The following GREB1 variants were observed in gnomAD, a reference collection of about 807,000 sequenced individuals.
GREB1 encodes protein GREB1.
Under a neutral mutation model 200.7 loss-of-function variants are expected in GREB1, and 106 were observed. The ratio of observed to expected loss-of-function variants is 0.53; its 90% CI spans 0.45 to 0.62. The LOEUF is 0.62. GREB1 is among the 20% of genes least tolerant of loss of function. GREB1 has a pLI of 0.00. For synonymous variants in GREB1, 1,132 were observed against 1,092.4 expected, an observed-to-expected ratio of 1.04 and a Z score of -0.72; for missense variants, 2,243 against 2,556.8, an observed-to-expected ratio of 0.88 and a Z score of 2.65.
chr2:11,528,557 A>G (rs1673962181), intron 1 of GREB1, among the ~76,000 whole-genome samples: 1 of 152,024 alleles, frequency 6.6e-6, no homozygotes, highest in South Asian at 2.1e-4. Flanking sequence ...GTGGCTATTC[A>G]CAATCACAAT....
At chr2:11,518,341 T>C (rs1018225075) in intron 1 of GREB1, among the ~76,000 whole-genome samples, 1 of 152,194 alleles carries the variant, frequency 6.6e-6, no homozygotes, top group Admixed American at 6.5e-5. Flanking sequence ...TATTTTGGGC[T>C]GTTTGGGTAA....
At chr2:11,625,420 C>T (rs2148394733) in intron 24 of GREB1, 108 bp downstream of exon 24, 2 of 1,055,270 alleles carry the variant, frequency 1.9e-6, no homozygotes, top group East Asian at 2.4e-5. Flanking sequence ...ATGAATTAAC[C>T]TGCCATACCT....
intron 1 of GREB1, among the ~76,000 whole-genome samples, chr2:11,508,187 C>T (rs1213862064): frequency 6.6e-6 from 1 of 152,198 alleles, no homozygotes; most frequent in Non-Finnish European, 1.5e-5. Flanking sequence ...ACTGTGGCCC[C>T]AGTCCCATGC....
Position 11,600,836 on chromosome 2 carries a change from G to A in GREB1, c.2370G>A (p.Pro790=), listed in dbSNP as rs372172638. 144 of 1,614,104 alleles carry A rather than the reference G, an allele frequency of 8.9e-5. No homozygotes were observed. Among genetic ancestry groups the A allele is most frequent in the East Asian group, 1.1e-4 (5 of 44,882 alleles). ...TVHNLYSQSD[P]SVGLVDRLLN... Reference sequence around the variant, plus strand: ...ATAACCTCTATTCTCAAAGTGACCCGTCGGTGGGATTGGTGGACCGATTGC... The same window carrying A: ...ATAACCTCTATTCTCAAAGTGACCCATCGGTGGGATTGGTGGACCGATTGC... The change falls in exon 16 of 33, where the codon CCG becomes CCA. Residue 790 remains proline (P), a synonymous_variant. Coordinates refer to ENST00000381486, the MANE Select transcript of GREB1 (RefSeq NM_014668.4).
intron 1 of GREB1, among the ~76,000 whole-genome samples, chr2:11,494,750 G>C (rs561109784): frequency 6.6e-6 from 1 of 152,308 alleles, no homozygotes; most frequent in South Asian, 2.1e-4. Flanking sequence ...ATGTTCTCTA[G>C]ATCTGTTTCT....
At chr2:11,620,153 T>A (rs1477867266) in intron 22 of GREB1, among the ~76,000 whole-genome samples, 4 of 152,064 alleles carry the variant, frequency 2.6e-5, no homozygotes, top group African/African-American at 9.7e-5. Flanking sequence ...ATTTTTGTAT[T>A]TTTAGTAGAG....
chr2:11,600,028 C>T (rs1000455111), intron 15 of GREB1, among the ~76,000 whole-genome samples: 1 of 152,114 alleles, frequency 6.6e-6, no homozygotes, highest in Admixed American at 6.6e-5. Context: ...TGGGCCAGGT[C>T]GTGGAGAAAG....
rs745666011 is a variant in GREB1, at chr2:11,620,934, C to A, written c.4074C>A (p.Phe1358Leu). Residue 1358 changes from phenylalanine to leucine, a missense_variant, in exon 23 of 33, where the codon TTC becomes TTA. This residue lies in a region of GREB1 where 587 missense variants were observed against 553.1 expected (regional missense o/e 1.06). Transcript: ENST00000381486. ...QIGKTGAYLQ[F>L]LSVLSRMLVR... Reference sequence around the variant, plus strand: ...GGAAGACAGGTGCCTACCTGCAGTTCCTCAGTGTCCTGTCCAGGATGCTTG... The same window carrying A: ...GGAAGACAGGTGCCTACCTGCAGTTACTCAGTGTCCTGTCCAGGATGCTTG... 21 of 1,612,156 alleles carry A rather than the reference C, an allele frequency of 1.3e-5. No individual in the cohort carries two copies. Among genetic ancestry groups the A allele is most frequent in the Non-Finnish European group, 1.5e-5 (18 of 1,178,278 alleles).
chr2:11,588,909 C>T lies in GREB1; in HGVS notation c.1323C>T (p.Thr441=), dbSNP rs145106657. ...CCGAGGAGATGCAGCTCCTGCTTAC[C>T]GTCTACTACCTGGTCCAGCTGGGTG... ...PISEEMQLLL[T]VYYLVQLAAD... is the part of the protein sequence containing the mutation. Residue 441 remains threonine (T), a synonymous_variant, in exon 10 of 33, where the codon ACC becomes ACT. Transcript: ENST00000381486. The T allele has an allele frequency of 3.7e-5, 60 of 1,614,040 alleles. No individual in the cohort carries two copies. The highest frequency in any genetic ancestry group is 4.7e-5 in the Non-Finnish European group (55 of 1,179,984).
At chr2:11,564,321 G>A (rs142131427) in intron 3 of GREB1, among the ~76,000 whole-genome samples, 1,892 of 150,048 alleles carry the variant, frequency 0.013, 20 homozygotes, top group Middle Eastern at 0.031. Flanking sequence ...CAATATGGTG[G>A]CTCTTAGTGA....
chr2:11,537,696 TATC>T (rs993657984), intron 1 of GREB1, among the ~76,000 whole-genome samples: 40 of 147,414 alleles, frequency 2.7e-4, no homozygotes, highest in Non-Finnish European at 4.2e-4. Context: ...ATTACATAAA[TATC>T]ATATATTAGA....
At chr2:11,559,653 C>T (rs995311320) in intron 2 of GREB1, among the ~76,000 whole-genome samples, 1 of 152,164 alleles carries the variant, frequency 6.6e-6, no homozygotes, top group Non-Finnish European at 1.5e-5. Context: ...GTGGTGCTGG[C>T]TTAGAGACCA....
At chr2:11,550,610 G>C (rs901666410) in intron 1 of GREB1, among the ~76,000 whole-genome samples, 1 of 152,196 alleles carries the variant, frequency 6.6e-6, no homozygotes, top group East Asian at 1.9e-4. Context: ...GAATTCCCAA[G>C]CCTTCTCTGG....
intron 1 of GREB1, among the ~76,000 whole-genome samples, chr2:11,512,447 T>G (rs1673377739): frequency 6.6e-6 from 1 of 152,260 alleles, no homozygotes. Context: ...GTGTATTTAG[T>G]AATGAATGCA....
rs752664183 is a variant in GREB1 at position 11,640,344 on chromosome 2, G to A, written c.5740G>A (p.Val1914Ile). The A allele has an allele frequency of 2.1e-5, 34 of 1,614,140 alleles. No individual in the cohort carries two copies. Among genetic ancestry groups the A allele is most frequent in the Non-Finnish European group, 2.7e-5 (32 of 1,180,022 alleles). ...CCGGAGCTCACTGCGCCAGACGGTC[G>A]TCCGCCTGGAGCTCGAGGACGAGTG... The part of the protein sequence containing the change: ...QDRSSLRQTV[V>I]RLELEDEWQF... The change falls in exon 33 of 33, where the codon GTC becomes ATC. Residue 1914 changes from valine to isoleucine, a missense_variant. By Grantham distance (29) the Val-to-Ile change is conservative. Transcript: ENST00000381486. This position sits in a 1 kb window ranked among gnomAD's most constrained non-coding sequence, Gnocchi z 4.6.
intron 17 of GREB1, among the ~76,000 whole-genome samples, chr2:11,603,574 G>A (rs900729199): frequency 3.9e-5 from 6 of 152,218 alleles, no homozygotes; most frequent in South Asian, 4.1e-4. Flanking sequence ...CCAGTAGCTC[G>A]TGGGACTAGA....
Position 11,620,964 on chromosome 2 carries a change from G to C in GREB1, c.4104G>C (p.Arg1368=). The change falls in exon 23 of 33, where the codon CGG becomes CGC. Residue 1368 remains arginine, a synonymous_variant. Transcript: ENST00000381486. ...GTGTCCTGTCCAGGATGCTTGTTCG[G>C]CTCACAGAAGTGGATGTCTATGACG... is the stretch of plus-strand genomic sequence containing the variant. ...FLSVLSRMLV[R]LTEVDVYDEE... 4.3e-6 allele frequency: 7 copies of C among 1,612,454 alleles called. No individual in the cohort carries two copies. Among genetic ancestry groups the C allele is most frequent in the Non-Finnish European group, 5.9e-6 (7 of 1,178,480 alleles).
chr2:11,562,303 G>A (rs1251507213), intron 2 of GREB1, among the ~76,000 whole-genome samples, 160 bp from the exon 3 acceptor site: 2 of 152,346 alleles, frequency 1.3e-5, no homozygotes, highest in East Asian at 1.9e-4. Context: ...CTAGCTAGAC[G>A]TGCTGAGTGC....
intron 23 of GREB1, among the ~76,000 whole-genome samples, chr2:11,623,044 T>A (rs1684136099): frequency 6.6e-6 from 1 of 152,228 alleles, no homozygotes; most frequent in South Asian, 2.1e-4. Context: ...ACTCCAAGCA[T>A]CATCCTTTGT....
Sources: gnomAD v4.1 joint callset for allele counts (sites outside exome capture counted in the v4.1 genomes callset) on GRCh38, gnomAD v4.1.1 for gene constraint, gnomAD v4.1.1 regional missense constraint, Gnocchi (gnomAD v3.1) non-coding constraint, MANE v1.5 for transcripts, NCBI Gene and HGNC (gene_info 2026-07-23, HGNC 2026-07-21) for gene names.